Variants in C2orf42 observed in about 807,000 individuals in gnomAD.
C2orf42 encodes chromosome 2 open reading frame 42.
A neutral mutation model predicts 58.9 loss-of-function variants in C2orf42; 44 were observed. That is an observed-to-expected ratio of 0.75 (90% CI 0.59 to 0.96). C2orf42 has a LOEUF of 0.96. Among genes scored for constraint, C2orf42 ranks in the 40% least tolerant of loss-of-function variants. The probability of loss-of-function intolerance (pLI) is 0.00; values close to 1 mark genes in which losing one functional copy is unlikely to be tolerated. For missense variants in C2orf42, 630 were observed against 699.2 expected (o/e 0.90, Z 1.12); for synonymous variants, 239 against 265.4 (o/e 0.90, Z 0.97).
chr2:70,157,988 G>A (rs998674778), intron 9 of C2orf42, among the ~76,000 whole-genome samples: 10 of 151,986 alleles, frequency 6.6e-5, no homozygotes, highest in African/African-American at 1.5e-4. Context: ...ATCACCAGAC[G>A]TCCAGAGTTC....
At chr2:70,157,226 G>A (rs1208704415) in intron 9 of C2orf42, among the ~76,000 whole-genome samples, 1 of 151,990 alleles carries the variant, frequency 6.6e-6, no homozygotes, top group Non-Finnish European at 1.5e-5. Flanking sequence ...CGGCCGAGGT[G>A]GATGGATCAC....
At position 70,149,985 on chromosome 2, in the gene C2orf42, T is replaced by G; in HGVS notation, c.*371A>C. On this transcript the variant is annotated 3_prime_UTR_variant, in exon 10 of 10. Coordinates refer to ENST00000264434, the MANE Select transcript of C2orf42 (RefSeq NM_017880.3). ...TTAACATTCTGCCCTAACCAGGGTG[T>G]TAACTTTCCAACACTGTTGGTGTAT... 3.7e-6 allele frequency: 1 copy of G among 268,738 alleles called. No individual in the cohort carries two copies. Among genetic ancestry groups the G allele is most frequent in the Non-Finnish European group, 7.3e-6 (1 of 137,930 alleles). The allele number at this position is 268,738 out of a possible 1,614,324, so 16.6% of individuals were successfully genotyped here.
intron 9 of C2orf42, among the ~76,000 whole-genome samples, chr2:70,151,678 T>C (rs1037691012): frequency 5.9e-5 from 9 of 152,156 alleles, no homozygotes; most frequent in African/African-American, 1.9e-4. Flanking sequence ...GATGGATTAA[T>C]TAATGTATAT....
rs111788983 is a variant in C2orf42 at position 70,162,302 on chromosome 2, C to T, written c.1354-1515G>A. 1.7e-3 allele frequency among the ~76,000 whole-genome samples: 253 copies of T among 150,162 alleles called. 2 individuals carry two copies. Among genetic ancestry groups the T allele is most frequent in the African/African-American group, 6.0e-3 (243 of 40,232 alleles). ...CTGGGATTACAGGCATGAGCCACCT[C>T]GCCAGCCTCTTTTGCTTTCTTTCTT... On this transcript the variant is annotated intron_variant, in intron 8 of 9. Transcript: ENST00000264434.
Position 70,181,535 on chromosome 2 carries a change from G to C in C2orf42, c.451C>G (p.Leu151Val), listed in dbSNP as rs559141927. Reference protein sequence around the residue: ...NCQAEATPLTLKSSVLNAMQA... With the variant: ...NCQAEATPLTVKSSVLNAMQA... ...ATTGCATTCAGGACCGAGCTCTTCA[G>C]GGTCAGAGGGGTGGCCTCTGCCTGG... The change falls in exon 3 of 10, where the codon CTG (leucine) becomes GTG (valine). Residue 151 changes from leucine (L) to valine (V), a missense_variant. By Grantham distance (32) the Leu-to-Val change is conservative. Transcript: ENST00000264434. 1 of 1,613,652 alleles carries C rather than the reference G, an allele frequency of 6.2e-7. No individual in the cohort carries two copies. Among genetic ancestry groups the C allele is most frequent in the East Asian group, 2.2e-5 (1 of 44,888 alleles).
At chr2:70,173,330 G>C (rs1673961172) in intron 5 of C2orf42, among the ~76,000 whole-genome samples, 2 of 128,436 alleles carry the variant, frequency 1.6e-5, no homozygotes, top group Admixed American at 1.7e-4. Flanking sequence ...CTGGAGTCTA[G>C]TAGCATGATC....
At chr2:70,150,627 A>C in intron 9 of C2orf42, 63 bp from the exon 10 acceptor site, 2 of 1,225,638 alleles carry the variant, frequency 1.6e-6, no homozygotes, top group East Asian at 2.3e-5. Context: ...TCCTAATTGC[A>C]AAAAAAGTGT....
rs769610686 is a variant in C2orf42, at chr2:70,181,265, T to A, written c.721A>T (p.Thr241Ser). The A allele has an allele frequency of 1.2e-6, 2 of 1,613,322 alleles. No homozygotes were observed. The highest frequency in any genetic ancestry group is 1.7e-6 in the Non-Finnish European group (2 of 1,179,334). Reference protein sequence around the residue: ...SHKSNASKDETAQRCIHFFAC... With the variant: ...SHKSNASKDESAQRCIHFFAC... ...AAGAAATGAATGCATCTCTGGGCTG[T>A]CTCATCCTTGGAGGCATTTGACTTG... Residue 241 changes from threonine to serine, a missense_variant, in exon 3 of 10, where the codon ACA becomes TCA. Coordinates refer to ENST00000264434, the MANE Select transcript of C2orf42 (RefSeq NM_017880.3).
At chr2:70,174,837 A>C (rs900503442) in intron 5 of C2orf42, among the ~76,000 whole-genome samples, 12 of 151,762 alleles carry the variant, frequency 7.9e-5, no homozygotes, top group African/African-American at 2.9e-4. Context: ...CATCTGGCTA[A>C]TTTTTTCTAT....
chr2:70,152,904 G>A (rs1444441147), intron 9 of C2orf42, among the ~76,000 whole-genome samples: 3 of 152,122 alleles, frequency 2.0e-5, no homozygotes, highest in East Asian at 1.9e-4. Flanking sequence ...GTGGTGGCAC[G>A]CCCCTGTAAT....
intron 5 of C2orf42, among the ~76,000 whole-genome samples, chr2:70,175,185 C>T (rs1674104262): frequency 6.6e-6 from 1 of 152,160 alleles, no homozygotes; most frequent in African/African-American, 2.4e-5. Flanking sequence ...TGGCCTCGAA[C>T]TGCTGGCCTC....
chr2:70,184,477 CTATTT>C (rs1674791343), intron 1 of C2orf42, among the ~76,000 whole-genome samples: 1 of 132,972 alleles, frequency 7.5e-6, no homozygotes, highest in African/African-American at 3.0e-5. Flanking sequence ...GTGCCTGGCC[CTATTT>C]TTTTTTTTTT....
At chr2:70,152,792 T>A (rs1366121414) in intron 9 of C2orf42, among the ~76,000 whole-genome samples, 1 of 152,084 alleles carries the variant, frequency 6.6e-6, no homozygotes, top group Non-Finnish European at 1.5e-5. Flanking sequence ...CCCAGCACTT[T>A]GGGAGGCCAA....
intron 6 of C2orf42, among the ~76,000 whole-genome samples, chr2:70,168,999 T>G (rs1269723238): frequency 6.6e-6 from 1 of 152,062 alleles, no homozygotes; most frequent in Non-Finnish European, 1.5e-5. Flanking sequence ...CAGGTGAGAG[T>G]CACCATGCCC....
At chr2:70,163,103 G>A (rs112438538) in intron 8 of C2orf42, among the ~76,000 whole-genome samples, 2 of 151,604 alleles carry the variant, frequency 1.3e-5, no homozygotes, top group African/African-American at 4.8e-5. Context: ...CCTGACCTCA[G>A]GTGATCCACC....
chr2:70,174,480 A>C (rs1674053176), intron 5 of C2orf42, among the ~76,000 whole-genome samples: 1 of 152,176 alleles, frequency 6.6e-6, no homozygotes, highest in African/African-American at 2.4e-5. Context: ...ACATGGTTAC[A>C]ATCTAGTGAC....
intron 9 of C2orf42, among the ~76,000 whole-genome samples, chr2:70,153,927 G>A (rs1223086193): frequency 8.0e-5 from 12 of 150,942 alleles, no homozygotes; most frequent in Admixed American, 6.0e-4. Context: ...GCGTGGTGGC[G>A]GGCTAATCCC....
At chr2:70,153,323 C>T (rs1297324108) in intron 9 of C2orf42, among the ~76,000 whole-genome samples, 2 of 151,718 alleles carry the variant, frequency 1.3e-5, no homozygotes, top group African/African-American at 4.8e-5. Flanking sequence ...AGGAGTGGTC[C>T]CAAGCAACCT....
chr2:70,170,712 C>T (rs935980982), intron 5 of C2orf42, among the ~76,000 whole-genome samples: 2 of 150,212 alleles, frequency 1.3e-5, no homozygotes, highest in Admixed American at 6.7e-5. Context: ...TGAGATCGTG[C>T]CACAGCACTC....
Sources: gnomAD v4.1 joint callset for allele counts (sites outside exome capture counted in the v4.1 genomes callset) on GRCh38, gnomAD v4.1.1 for gene constraint, MANE v1.5 for transcripts, NCBI Gene and HGNC (gene_info 2026-07-23, HGNC 2026-07-21) for gene names.